Variants in CACNA1C observed in about 807,000 individuals in gnomAD.
CACNA1C encodes the protein voltage-dependent L-type calcium channel subunit alpha-1C.
Under a neutral mutation model 229.0 loss-of-function variants are expected in CACNA1C, and 30 were observed. That is an observed-to-expected ratio of 0.13 (90% CI 0.10 to 0.18). The LOEUF (loss-of-function observed/expected upper bound fraction) is 0.18. Ranked by LOEUF, CACNA1C falls within the 10% of genes least tolerant of loss-of-function variation. CACNA1C has a pLI of 1.00. For synonymous variants in CACNA1C, 1,114 were observed against 1,132.5 expected (o/e 0.98, Z 0.33); for missense variants, 1,658 against 2,845.0 (o/e 0.58, Z 9.49).
intron 3 of CACNA1C, among the ~76,000 whole-genome samples, chr12:2,431,515 G>A (rs2099084716): frequency 6.6e-6 from 1 of 152,176 alleles, no homozygotes; most frequent in Non-Finnish European, 1.5e-5. Flanking sequence ...ATGGAATCCA[G>A]TAATCCAAAT....
At chr12:2,020,333 G>A (rs1459902548) in intron 1 of CACNA1C, 2 of 152,202 alleles carry the variant, frequency 1.3e-5, no homozygotes, top group East Asian at 3.9e-4. Flanking sequence ...GATTGAATAA[G>A]TTGTCCAGTG....
At position 2,535,704 on chromosome 12, in the gene CACNA1C, TAAAAAAAAAAAAA is replaced by T. The variant is rs758857733; in HGVS notation, c.1391-14222_1391-14210del. On this transcript the variant is annotated intron_variant, in intron 9 of 46. Coordinates refer to ENST00000399655, the MANE Select transcript of CACNA1C (RefSeq NM_000719.7). Reference sequence around the variant, plus strand: ...CTGGGTGACAGAGCAAGACCCTGTCTAAAAAAAAAAAAAAAAAAAAAAAAAAAAACCTAAAACT... The same window carrying T: ...CTGGGTGACAGAGCAAGACCCTGTCTAAAAAAAAAAAAAAAACCTAAAACT... Among the ~76,000 whole-genome samples, 182 of 36,564 alleles carry T rather than the reference TAAAAAAAAAAAAA, an allele frequency of 5.0e-3. 8 individuals carry two copies. The highest frequency in any genetic ancestry group is 0.014 in the African/African-American group (155 of 11,352). 24.0% of individuals were successfully genotyped at this position (36,564 alleles called of 152,430 possible). A position where few individuals can be genotyped will look rare whatever the true frequency, so the allele number is the denominator to read the frequency against.
intron 9 of CACNA1C, among the ~76,000 whole-genome samples, chr12:2,528,772 G>A (rs1266561407): frequency 6.6e-6 from 1 of 152,174 alleles, no homozygotes; most frequent in Admixed American, 6.5e-5. Flanking sequence ...GGTGATTGGG[G>A]GTAAGGAAAA....
chr12:2,017,438 A>G (rs1167165490), intron 1 of CACNA1C, among the ~76,000 whole-genome samples: 1 of 152,214 alleles, frequency 6.6e-6, no homozygotes, highest in African/African-American at 2.4e-5. Context: ...ATGATACAAG[A>G]TAACTGATCA....
At chr12:2,171,652 C>T (rs528234163) in intron 3 of CACNA1C, among the ~76,000 whole-genome samples, 1 of 152,274 alleles carries the variant, frequency 6.6e-6, no homozygotes, top group Non-Finnish European at 1.5e-5. Context: ...GTTGTAAATG[C>T]TGGAAATGCA....
At chr12:2,513,980 G>A (rs980610342) in intron 9 of CACNA1C, among the ~76,000 whole-genome samples, 4 of 152,194 alleles carry the variant, frequency 2.6e-5, no homozygotes, top group African/African-American at 9.7e-5. Context: ...TTCTGTGTGT[G>A]ATATCTTTCT....
At position 2,540,470 on chromosome 12, in the gene CACNA1C, C is replaced by A. The variant is rs559416951; in HGVS notation, c.1391-9473C>A. On this transcript the variant is annotated intron_variant, in intron 9 of 46. Coordinates refer to ENST00000399655, the MANE Select transcript of CACNA1C (RefSeq NM_000719.7). ...GATGAAATTTGGATAGATCAGGGGT[C>A]AGCTAACTTTTTCTAGAAAGGGCCA... Among the ~76,000 whole-genome samples, 26 of 152,148 alleles carry A rather than the reference C, an allele frequency of 1.7e-4. 1 individual carries two copies. In the South Asian group the frequency reaches 5.4e-3, roughly 32 times the overall value.
chr12:2,501,824 A>G (rs991290945), intron 7 of CACNA1C, among the ~76,000 whole-genome samples: 1 of 152,250 alleles, frequency 6.6e-6, no homozygotes, highest in African/African-American at 2.4e-5. Context: ...TCTGACACAC[A>G]AGGACCTTTC....
At chr12:2,170,339 C>G (rs571284675) in intron 3 of CACNA1C, among the ~76,000 whole-genome samples, 1 of 152,152 alleles carries the variant, frequency 6.6e-6, no homozygotes, top group Non-Finnish European at 1.5e-5. Context: ...TGACTGAGAT[C>G]AGACACTGGT....
In CACNA1C at chr12:2,686,181, T is replaced by C; in HGVS notation, c.5696T>C (p.Phe1899Ser). 6.2e-7 allele frequency: 1 copy of C among 1,613,970 alleles called. No individual in the cohort carries two copies. Among genetic ancestry groups the C allele is most frequent in the Non-Finnish European group, 8.5e-7 (1 of 1,179,842 alleles). ...RSASLGRRAS[F>S]HLECLKRQKD... ...GGCTTTGCAGGTCGAAGGGCCTCCT[T>C]CCACCTGGAATGTCTGAAGCGACAG... The change falls in exon 45 of 47, where the codon TTC becomes TCC. Residue 1899 changes from phenylalanine (F) to serine (S), a missense_variant. Around this residue, in one of 20 missense-constraint regions of CACNA1C, gnomAD observed 590 missense variants for 700.8 expected, o/e 0.84. Coordinates refer to ENST00000399655, the MANE Select transcript of CACNA1C (RefSeq NM_000719.7).
intron 3 of CACNA1C, among the ~76,000 whole-genome samples, chr12:2,135,890 G>A (rs1411743161): frequency 5.4e-5 from 8 of 148,694 alleles, no homozygotes; most frequent in Non-Finnish European, 1.2e-4. Flanking sequence ...GCAATGGCGG[G>A]CGCCCCTCCC....
chr12:1,979,375 T>C (rs2035441703), intron 1 of CACNA1C, among the ~76,000 whole-genome samples: 1 of 152,094 alleles, frequency 6.6e-6, no homozygotes, highest in South Asian at 2.1e-4. Flanking sequence ...AGTGCAGTGG[T>C]GCCATCTTGG....
At chr12:1,998,091 C>G in intron 1 of CACNA1C, 1 of 775,600 alleles carries the variant, frequency 1.3e-6, no homozygotes, top group South Asian at 2.1e-5. Context: ...CAAATATACC[C>G]AACATGAGGA....
At chr12:2,480,439 C>T (rs1312025302) in intron 5 of CACNA1C, among the ~76,000 whole-genome samples, 2 of 152,230 alleles carry the variant, frequency 1.3e-5, no homozygotes, top group Non-Finnish European at 2.9e-5. Context: ...GTTTATTATA[C>T]ATCAGTTGCA....
At chr12:2,203,040 T>A (rs2097643988) in intron 3 of CACNA1C, among the ~76,000 whole-genome samples, 1 of 152,196 alleles carries the variant, frequency 6.6e-6, no homozygotes, top group Admixed American at 6.5e-5. Flanking sequence ...CCCATCAGGA[T>A]CCTATTAAAG....
chr12:2,116,395 G>A (rs887801715), intron 2 of CACNA1C, among the ~76,000 whole-genome samples: 3 of 148,008 alleles, frequency 2.0e-5, no homozygotes, highest in Admixed American at 6.7e-5. Context: ...TTTTTGAGAC[G>A]GAGTCTCGCT....
chr12:2,467,254 G>A lies in CACNA1C; in HGVS notation c.757+9548G>A, dbSNP rs1272918050. 2.0e-5 allele frequency among the ~76,000 whole-genome samples: 3 copies of A among 152,172 alleles called. No individual in the cohort carries two copies. The highest frequency in any genetic ancestry group is 4.8e-5 in the African/African-American group (2 of 41,456). On this transcript the variant is annotated intron_variant, in intron 5 of 46. Transcript: ENST00000399655. The surrounding 1 kb of genome is among the most constrained non-coding windows in gnomAD (Gnocchi z 4.6). ...GTCTCATGGCACTGTTCCTGAATCC[G>A]AATGTCTGGGTGGGAGGGGACTAGG...
At chr12:2,634,012 G>T (rs377366025) in intron 29 of CACNA1C, among the ~76,000 whole-genome samples, 1 of 152,172 alleles carries the variant, frequency 6.6e-6, no homozygotes, top group African/African-American at 2.4e-5. Context: ...GCTCCCCGGG[G>T]CGGCCACAGC....
At chr12:2,063,806 C>T (rs572923144) in intron 1 of CACNA1C, among the ~76,000 whole-genome samples, 13 of 152,314 alleles carry the variant, frequency 8.5e-5, no homozygotes, top group African/African-American at 2.6e-4. Context: ...TGGACACTTG[C>T]GTTTTCACCT....
Sources: gnomAD v4.1 joint callset for allele counts (sites outside exome capture counted in the v4.1 genomes callset) on GRCh38, gnomAD v4.1.1 for gene constraint, gnomAD v4.1.1 regional missense constraint, Gnocchi (gnomAD v3.1) non-coding constraint, MANE v1.5 for transcripts, NCBI Gene and HGNC (gene_info 2026-07-23, HGNC 2026-07-21) for gene names.